The following STK32B variants were observed in gnomAD, a reference collection of about 807,000 sequenced individuals.
The protein encoded by STK32B is serine/threonine-protein kinase 32B.
STK32B carries 43 observed loss-of-function variants against 52.6 expected under a neutral mutation model. That is an observed-to-expected ratio of 0.82 (90% CI 0.64 to 1.05). The LOEUF is 1.05. Among genes scored for constraint, STK32B ranks in the 50% least tolerant of loss-of-function variants. The probability of loss-of-function intolerance (pLI) is 0.00; values close to 1 mark genes in which losing one functional copy is unlikely to be tolerated. For synonymous variants in STK32B, 238 were observed against 204.3 expected (o/e 1.17, Z -1.41); for missense variants, 621 against 534.6 (o/e 1.16, Z -1.59).
At chr4:5,150,710 G>A (rs548672349) in intron 2 of STK32B, among the ~76,000 whole-genome samples, 1 of 151,746 alleles carries the variant, frequency 6.6e-6, no homozygotes, top group Non-Finnish European at 1.5e-5. Context: ...TACTCTTGGA[G>A]TTCTCCTCTT....
chr4:5,118,905 T>C (rs535353242), intron 1 of STK32B, among the ~76,000 whole-genome samples: 1 of 152,318 alleles, frequency 6.6e-6, no homozygotes, highest in Admixed American at 6.5e-5. Context: ...CTTCCTCCCA[T>C]GGCAGCCTCA....
intron 7 of STK32B, chr4:5,447,155 C>G (rs867309371): frequency 1.2e-5 from 2 of 164,460 alleles, no homozygotes; most frequent in East Asian, 3.4e-4. Flanking sequence ...AGGTGAAGAC[C>G]ATGCTTCTTT....
upstream of STK32B, among the ~76,000 whole-genome samples, chr4:5,049,102 T>TCGCACCA (rs1281396115): frequency 6.6e-6 from 1 of 152,190 alleles, no homozygotes; most frequent in African/African-American, 2.4e-5. Flanking sequence ...CTGGAGAACT[T>TCGCACCA]TGCACCAGTA....
intron 3 of STK32B, among the ~76,000 whole-genome samples, chr4:5,306,420 A>T: frequency 6.6e-6 from 1 of 151,970 alleles, no homozygotes; most frequent in Non-Finnish European, 1.5e-5. Context: ...GGAATGTGAT[A>T]TTTTTCTGTT....
intron 2 of STK32B, among the ~76,000 whole-genome samples, chr4:5,155,793 C>G (rs1717780876): frequency 1.3e-5 from 2 of 152,134 alleles, no homozygotes; most frequent in African/African-American, 2.4e-5. Flanking sequence ...TGAGGCCTCC[C>G]TGGCCAAACG....
rs1560313557 is a variant in STK32B at position 5,317,263 on chromosome 4, T to TAAC, written c.261-13956_261-13955insACA. Among the ~76,000 whole-genome samples the TAAC allele has an allele frequency of 1.0e-3, 26 of 25,586 alleles. 3 individuals are homozygous for TAAC. The highest frequency in any genetic ancestry group is 5.1e-3 in the African/African-American group (24 of 4,740). The allele number at this position is 25,586 out of a possible 152,430, so 16.8% of individuals were successfully genotyped here. On this transcript the variant is annotated intron_variant, in intron 3 of 11. Coordinates refer to ENST00000282908, the MANE Select transcript of STK32B (RefSeq NM_018401.3). ...TATATATTATATATAACATATAACA[T>TAAC]ATATATAATATATAACATATAACAT...
chr4:5,229,280 A>G (rs1724090779), intron 3 of STK32B, among the ~76,000 whole-genome samples: 1 of 151,936 alleles, frequency 6.6e-6, no homozygotes. Flanking sequence ...CCACAACTTA[A>G]ATAGTACCAC....
intron 1 of STK32B, among the ~76,000 whole-genome samples, chr4:5,062,112 T>C (rs1742239592): frequency 6.6e-6 from 1 of 152,178 alleles, no homozygotes; most frequent in Non-Finnish European, 1.5e-5. Flanking sequence ...ACGAGCGCCT[T>C]CTGTTTCAAA....
At chr4:5,367,164 T>G (rs1560356701) in intron 4 of STK32B, among the ~76,000 whole-genome samples, 1 of 152,098 alleles carries the variant, frequency 6.6e-6, no homozygotes, top group Non-Finnish European at 1.5e-5. Flanking sequence ...AAAATAGAAA[T>G]GTAACACACG....
chr4:5,208,754 G>C (rs796545636), intron 3 of STK32B, among the ~76,000 whole-genome samples: 2 of 152,106 alleles, frequency 1.3e-5, no homozygotes, highest in African/African-American at 4.8e-5. Flanking sequence ...TTCAATGATC[G>C]CCCCATGGTG....
At chr4:5,295,645 CTATT>C (rs1229005710) in intron 3 of STK32B, among the ~76,000 whole-genome samples, 1 of 152,010 alleles carries the variant, frequency 6.6e-6, no homozygotes, top group Admixed American at 6.6e-5. Context: ...TTCATTGTAT[CTATT>C]TGATTCTTCT....
At chr4:5,381,599 A>G (rs1735937199) in intron 4 of STK32B, among the ~76,000 whole-genome samples, 1 of 152,204 alleles carries the variant, frequency 6.6e-6, no homozygotes, top group Non-Finnish European at 1.5e-5. Context: ...ACCATCCTAT[A>G]TGGGACTCTG....
chr4:5,051,260 C>A (rs1178365031), upstream of STK32B, among the ~76,000 whole-genome samples: 1 of 152,008 alleles, frequency 6.6e-6, no homozygotes, highest in Non-Finnish European at 1.5e-5. Context: ...GCTGGGTTGT[C>A]GGAGGCGGAT....
chr4:5,156,125 C>T (rs981227143), intron 2 of STK32B, among the ~76,000 whole-genome samples: 2 of 151,268 alleles, frequency 1.3e-5, no homozygotes, highest in African/African-American at 4.9e-5. Flanking sequence ...TATATGTATA[C>T]ACATATACAT....
chr4:5,208,193 G>A (rs149980864), intron 3 of STK32B, among the ~76,000 whole-genome samples: 1 of 152,286 alleles, frequency 6.6e-6, no homozygotes, highest in East Asian at 1.9e-4. Flanking sequence ...GGGCCTGAGG[G>A]AAAGGGAACT....
intron 3 of STK32B, among the ~76,000 whole-genome samples, chr4:5,327,789 T>C (rs1190168388): frequency 6.6e-6 from 1 of 152,186 alleles, no homozygotes; most frequent in Non-Finnish European, 1.5e-5. Context: ...TGAGAGAGCC[T>C]TTCCTTTGAC....
intron 3 of STK32B, among the ~76,000 whole-genome samples, chr4:5,266,207 C>G (rs4475081): frequency 1.1e-4 from 16 of 152,160 alleles, no homozygotes; most frequent in Non-Finnish European, 2.1e-4. Flanking sequence ...CACCATCATT[C>G]GGACACATTT....
intron 3 of STK32B, among the ~76,000 whole-genome samples, chr4:5,270,765 T>G (rs1727372505): frequency 1.3e-5 from 2 of 152,196 alleles, no homozygotes; most frequent in South Asian, 4.1e-4. Flanking sequence ...AAAACTTTAT[T>G]TGCTGGCAGA....
At chr4:5,112,708 T>C (rs1220892853) in intron 1 of STK32B, among the ~76,000 whole-genome samples, 2 of 152,116 alleles carry the variant, frequency 1.3e-5, no homozygotes, top group South Asian at 2.1e-4. Context: ...AAATGAACCA[T>C]CACAAAGCTA....
Sources: gnomAD v4.1 joint callset for allele counts (sites outside exome capture counted in the v4.1 genomes callset) on GRCh38, gnomAD v4.1.1 for gene constraint, MANE v1.5 for transcripts, NCBI Gene and HGNC (gene_info 2026-07-23, HGNC 2026-07-21) for gene names.